The following ACOT12 variants were observed in gnomAD, a reference collection of about 807,000 sequenced individuals.
ACOT12 encodes acetyl-coenzyme A thioesterase.
In ACOT12, 51 loss-of-function variants were observed where a neutral mutation model predicts 67.7. That is an observed-to-expected ratio of 0.75 (90% CI 0.60 to 0.95). The LOEUF (loss-of-function observed/expected upper bound fraction) is 0.95. Among genes scored for constraint, ACOT12 ranks in the 40% least tolerant of loss-of-function variants. ACOT12 has a pLI of 0.00. For missense variants in ACOT12, 734 were observed against 708.1 expected, an observed-to-expected ratio of 1.04 and a Z score of -0.41; for synonymous variants, 251 against 244.6, an observed-to-expected ratio of 1.03 and a Z score of -0.24.
chr5:81,315,985 C>A, the ACOT12 span, among the ~76,000 whole-genome samples: 1 of 152,132 alleles, frequency 6.6e-6, no homozygotes, highest in South Asian at 2.1e-4. Context: ...GGGGTGGATT[C>A]TTGTCTGTTC....
At chr5:81,327,706 G>T (rs529810749), downstream of ACOT12, among the ~76,000 whole-genome samples, 2 of 152,340 alleles carry the variant, frequency 1.3e-5, no homozygotes, top group Admixed American at 1.3e-4. Flanking sequence ...CTCCCAAAGT[G>T]CTGGGATTAC....
the ACOT12 span, among the ~76,000 whole-genome samples, chr5:81,315,336 C>T: frequency 6.6e-6 from 1 of 152,184 alleles, no homozygotes; most frequent in East Asian, 1.9e-4. Flanking sequence ...CCCATCCCTG[C>T]TTATTTCCTT....
downstream of ACOT12, among the ~76,000 whole-genome samples, chr5:81,329,159 T>C (rs1183461540): frequency 1.3e-5 from 2 of 152,126 alleles, no homozygotes; most frequent in African/African-American, 4.8e-5. Context: ...GGAAAACATT[T>C]CAAAAAATGT....
At chr5:81,317,709 C>T in the ACOT12 span, among the ~76,000 whole-genome samples, 2 of 151,932 alleles carry the variant, frequency 1.3e-5, no homozygotes, top group South Asian at 4.2e-4. Flanking sequence ...AACTCTGTCA[C>T]GAGAACAGCA....
At chr5:81,328,758 T>C (rs1216590475), downstream of ACOT12, among the ~76,000 whole-genome samples, 1 of 152,178 alleles carries the variant, frequency 6.6e-6, no homozygotes, top group Admixed American at 6.5e-5. Context: ...AGGGATTGTT[T>C]GGCACTAAGA....
At chr5:81,312,179 T>C in the ACOT12 span, among the ~76,000 whole-genome samples, 3 of 152,214 alleles carry the variant, frequency 2.0e-5, no homozygotes, top group Non-Finnish European at 4.4e-5. Context: ...TGTTGTATAA[T>C]TTCACAGGTG....
intron 12 of ACOT12, among the ~76,000 whole-genome samples, chr5:81,335,561 C>A (rs967020270): frequency 6.6e-6 from 1 of 152,104 alleles, no homozygotes; most frequent in Non-Finnish European, 1.5e-5. Flanking sequence ...GATGGGCTTT[C>A]ACCATGTTGC....
At chr5:81,354,452 C>T (rs1046220923) in intron 5 of ACOT12, among the ~76,000 whole-genome samples, 10 of 152,248 alleles carry the variant, frequency 6.6e-5, no homozygotes, top group African/African-American at 2.4e-4. Context: ...CAGAAGAAGC[C>T]GGTGCAGCCA....
intron 2 of ACOT12, among the ~76,000 whole-genome samples, chr5:81,373,397 C>G (rs531067086): frequency 4.6e-5 from 7 of 152,230 alleles, no homozygotes; most frequent in Non-Finnish European, 1.0e-4. Context: ...CCTCCGGTGC[C>G]TAGGCCATCA....
At chr5:81,373,308 G>A (rs1760310722) in intron 2 of ACOT12, among the ~76,000 whole-genome samples, 1 of 152,208 alleles carries the variant, frequency 6.6e-6, no homozygotes, top group African/African-American at 2.4e-5. Flanking sequence ...ATGAAGGACT[G>A]TGCTGTGAGG....
chr5:81,359,310 T>A (rs2153854137), intron 5 of ACOT12, among the ~76,000 whole-genome samples: 1 of 152,176 alleles, frequency 6.6e-6, no homozygotes, highest in South Asian at 2.1e-4. Flanking sequence ...AGGGCGGGGC[T>A]CTGCCTTTCC....
chr5:81,363,793 C>G lies in ACOT12; in HGVS notation c.355G>C (p.Glu119Gln). The G allele has an allele frequency of 6.2e-7, 1 of 1,608,166 alleles. No homozygotes were observed. The highest frequency in any genetic ancestry group is 2.2e-5 in the East Asian group (1 of 44,586). Residue 119 changes from glutamate (E) to glutamine (Q), a missense_variant, in exon 4 of 15, where the codon GAA becomes CAA. Physicochemically the swap from Glu to Gln is conservative, Grantham distance 29. Transcript: ENST00000307624. ...TCTTCACATACAAAATTTACCTTTT[C>G]TTTTCCAACTGGTTTGGCTACAAAT... ...STFVAKPVGK[E>Q]KIHLKPVTLL...
At chr5:81,387,271 C>G (rs1196498014) in intron 1 of ACOT12, among the ~76,000 whole-genome samples, 1 of 152,078 alleles carries the variant, frequency 6.6e-6, no homozygotes, top group Admixed American at 6.6e-5. Context: ...TCCCAAAGTG[C>G]TGGGATTACA....
At chr5:81,389,280 G>A (rs7728156) in intron 1 of ACOT12, among the ~76,000 whole-genome samples, 47,125 of 151,940 alleles carry the variant, frequency 0.31, 8,688 homozygotes, top group African/African-American at 0.52. Flanking sequence ...AGATGAGGCT[G>A]GAGTGAAGGC....
intron 4 of ACOT12, among the ~76,000 whole-genome samples, chr5:81,361,343 C>T (rs143603023): frequency 9.7e-4 from 147 of 151,618 alleles, no homozygotes; most frequent in African/African-American, 3.4e-3. Flanking sequence ...TGCAGGCAAA[C>T]GTCACTATGC....
At chr5:81,368,364 C>T (rs2153855760) in intron 3 of ACOT12, among the ~76,000 whole-genome samples, 1 of 152,174 alleles carries the variant, frequency 6.6e-6, no homozygotes, top group Middle Eastern at 3.4e-3. Context: ...CTGACATCTG[C>T]AGAATACTTC....
the ACOT12 span, among the ~76,000 whole-genome samples, chr5:81,324,439 G>A: frequency 3.1e-4 from 47 of 152,160 alleles, no homozygotes; most frequent in Admixed American, 1.4e-3. Context: ...ACTTTGAGAT[G>A]ACTATTGTCC....
chr5:81,336,653 A>G (rs1480856032), intron 11 of ACOT12, among the ~76,000 whole-genome samples: 1 of 152,166 alleles, frequency 6.6e-6, no homozygotes, highest in Non-Finnish European at 1.5e-5. Flanking sequence ...GTGTTCAGCT[A>G]AGAACACATT....
intron 5 of ACOT12, among the ~76,000 whole-genome samples, chr5:81,356,647 C>T (rs1759724160): frequency 6.6e-6 from 1 of 152,086 alleles, no homozygotes; most frequent in Non-Finnish European, 1.5e-5. Flanking sequence ...CCCTCAGATC[C>T]ATGATCTCAG....
Sources: gnomAD v4.1 joint callset for allele counts (sites outside exome capture counted in the v4.1 genomes callset) on GRCh38, gnomAD v4.1.1 for gene constraint, MANE v1.5 for transcripts, NCBI Gene and HGNC (gene_info 2026-07-23, HGNC 2026-07-21) for gene names.